Variants in NFIB observed in about 807,000 individuals in gnomAD.
The protein encoded by NFIB is nuclear factor 1 B-type.
In NFIB, 11 loss-of-function variants were observed where a neutral mutation model predicts 61.5. That is an observed-to-expected ratio of 0.18 (90% CI 0.11 to 0.30). The LOEUF is 0.30. Among genes scored for constraint, NFIB ranks in the 10% least tolerant of loss-of-function variants. The pLI, the probability that NFIB is intolerant of heterozygous loss-of-function variation, is 1.00. For synonymous variants in NFIB, 260 were observed against 216.5 expected (o/e 1.20, Z -1.76); for missense variants, 471 against 608.9 (o/e 0.77, Z 2.38).
At chr9:14,219,091 A>G (rs2131812714) in intron 2 of NFIB, among the ~76,000 whole-genome samples, 1 of 152,238 alleles carries the variant, frequency 6.6e-6, no homozygotes, top group Middle Eastern at 3.4e-3. Context: ...AGATCACCCA[A>G]TTTGGTAGAA....
At chr9:14,279,208 G>A (rs1371371454) in intron 2 of NFIB, among the ~76,000 whole-genome samples, 2 of 152,082 alleles carry the variant, frequency 1.3e-5, no homozygotes, top group African/African-American at 2.4e-5. Flanking sequence ...CCCAGTCACT[G>A]GTAATGGAAC....
chr9:14,506,531 T>A, the NFIB span, among the ~76,000 whole-genome samples: 1 of 152,150 alleles, frequency 6.6e-6, no homozygotes, highest in Admixed American at 6.5e-5. Context: ...AAGGACAATA[T>A]AACATGAAGC....
At chr9:14,306,066 A>G (rs1018012592) in intron 2 of NFIB, 3 of 725,168 alleles carry the variant, frequency 4.1e-6, no homozygotes. Flanking sequence ...TAAACATTTC[A>G]TTAACTCAAA....
chr9:14,457,494 G>C, the NFIB span, among the ~76,000 whole-genome samples: 3 of 151,354 alleles, frequency 2.0e-5, no homozygotes, highest in Non-Finnish European at 4.4e-5. Flanking sequence ...CTAGCAGAAG[G>C]CAAGAAATAA....
At chr9:14,368,782 C>T (rs2061328902) in intron 1 of NFIB, among the ~76,000 whole-genome samples, 1 of 152,146 alleles carries the variant, frequency 6.6e-6, no homozygotes, top group Non-Finnish European at 1.5e-5. Context: ...GTGCTTATGT[C>T]TGCATAGCTC....
chr9:14,153,446 G>A (rs2043072203), intron 4 of NFIB, among the ~76,000 whole-genome samples: 1 of 152,054 alleles, frequency 6.6e-6, no homozygotes, highest in South Asian at 2.1e-4. Context: ...GCTACAAGAA[G>A]GCTGAAAGCT....
chr9:14,436,221 C>T, the NFIB span, among the ~76,000 whole-genome samples: 4 of 152,208 alleles, frequency 2.6e-5, no homozygotes, highest in Non-Finnish European at 4.4e-5. Flanking sequence ...GTTCCATGGC[C>T]TCAGCCTGTT....
intron 1 of NFIB, among the ~76,000 whole-genome samples, chr9:14,385,254 T>A (rs1304008712): frequency 6.6e-6 from 1 of 152,152 alleles, no homozygotes; most frequent in Admixed American, 6.5e-5. Context: ...TTAACCAAGA[T>A]CAGGCCGCAT....
chr9:14,288,885 A>AT (rs1018968070), intron 2 of NFIB, among the ~76,000 whole-genome samples: 13 of 151,706 alleles, frequency 8.6e-5, no homozygotes, highest in African/African-American at 3.1e-4. Flanking sequence ...TGCATTTCTC[A>AT]TTTTTTCACC....
intron 2 of NFIB, among the ~76,000 whole-genome samples, chr9:14,225,478 A>AAAAAAAAAAC (rs2052271513): frequency 1.2e-5 from 1 of 84,486 alleles, no homozygotes. Context: ...AAAAAAAAAA[A>AAAAAAAAAAC]AAGAAGAAGA....
exon 1 of NFIB, chr9:14,398,790 C>G: frequency 1.8e-6 from 1 of 557,954 alleles, no homozygotes; most frequent in Non-Finnish European, 3.1e-6. Context: ...ACTGATGGAT[C>G]TTTATGGAGC....
At chr9:14,463,296 C>T in the NFIB span, among the ~76,000 whole-genome samples, 10 of 151,812 alleles carry the variant, frequency 6.6e-5, no homozygotes, top group African/African-American at 2.4e-4. Flanking sequence ...GGCATAATTA[C>T]TAAAAAATAT....
chr9:14,427,213 T>A, the NFIB span, among the ~76,000 whole-genome samples: 1 of 152,194 alleles, frequency 6.6e-6, no homozygotes, highest in Non-Finnish European at 1.5e-5. Flanking sequence ...GATAATACAT[T>A]GTTCATTCTT....
intron 6 of NFIB, among the ~76,000 whole-genome samples, chr9:14,130,335 T>C (rs2040258616): frequency 6.6e-6 from 1 of 152,212 alleles, no homozygotes; most frequent in Admixed American, 6.5e-5. Context: ...AGGAGAAATA[T>C]GTTTTTAACT....
At chr9:14,365,026 T>C (rs1174866379) in intron 1 of NFIB, among the ~76,000 whole-genome samples, 3 of 152,192 alleles carry the variant, frequency 2.0e-5, no homozygotes, top group African/African-American at 7.2e-5. Context: ...CTCATTTTCA[T>C]TGTCTGTAAA....
chr9:14,215,370 T>G (rs1563909777), intron 2 of NFIB, among the ~76,000 whole-genome samples: 1 of 144,012 alleles, frequency 6.9e-6, no homozygotes, highest in African/African-American at 2.9e-5. Context: ...CATCTGCATA[T>G]ACTAAGACTA....
At chr9:14,482,344 C>T in the NFIB span, among the ~76,000 whole-genome samples, 11 of 152,024 alleles carry the variant, frequency 7.2e-5, no homozygotes, top group Non-Finnish European at 1.2e-4. Flanking sequence ...TTCTAATGGC[C>T]CTGGGGCAGG....
chr9:14,311,412 T>C (rs538144755), intron 1 of NFIB, among the ~76,000 whole-genome samples: 1 of 152,292 alleles, frequency 6.6e-6, no homozygotes, highest in Admixed American at 6.5e-5. Context: ...ACACCTATAT[T>C]ACCTGCAAAG....
rs1274615549 is a variant in NFIB at position 14,118,532 on chromosome 9, G to T, written c.1245+1908C>A. Among the ~76,000 whole-genome samples, 3 of 152,052 alleles carry T rather than the reference G, an allele frequency of 2.0e-5. No individual in the cohort carries two copies. The East Asian group carries it at 5.8e-4, about 29-fold the overall frequency. ...ACAACTTTCCTAAAACTCAGGGTGA[G>T]AAGAATTGAGGGCTATTTTCTCCTC... On this transcript the variant is annotated intron_variant, in intron 8 of 10. Transcript: ENST00000380953.
Sources: allele counts gnomAD v4.1 joint callset (sites outside exome capture counted in the v4.1 genomes callset), GRCh38; gene constraint gnomAD v4.1.1; transcripts MANE v1.5; gene names NCBI Gene and HGNC (gene_info 2026-07-23, HGNC 2026-07-21).